The following PLCB1 variants were observed in gnomAD, a reference collection of about 807,000 sequenced individuals.
The protein encoded by PLCB1 is 1-phosphatidylinositol 4,5-bisphosphate phosphodiesterase beta-1.
Under a neutral mutation model 161.8 loss-of-function variants are expected in PLCB1, and 46 were observed. That is an observed-to-expected ratio of 0.28 (90% CI 0.22 to 0.36). The LOEUF is 0.36. Ranked by LOEUF, PLCB1 falls within the 10% of genes least tolerant of loss-of-function variation. The pLI, the probability that PLCB1 is intolerant of heterozygous loss-of-function variation, is 1.00. For missense variants in PLCB1, 1,016 were observed against 1,472.5 expected (o/e 0.69, Z 5.07); for synonymous variants, 517 against 503.7 (o/e 1.03, Z -0.35).
chr20:8,749,890 TTAA>T (rs1386434456), intron 23 of PLCB1, among the ~76,000 whole-genome samples: 2 of 152,164 alleles, frequency 1.3e-5, no homozygotes, highest in African/African-American at 4.8e-5. Context: ...GACTTTGCCA[TTAA>T]TAATAGAGCT....
chr20:8,881,662 A>G lies in PLCB1; in HGVS notation c.3464A>G (p.Lys1155Arg), dbSNP rs1268524181. 4 of 1,613,982 alleles carry G rather than the reference A, an allele frequency of 2.5e-6. No individual in the cohort carries two copies. The African/African-American group carries it at 5.3e-5, about 22-fold the overall frequency. The change falls in exon 32 of 32, where the codon AAA becomes AGA. Residue 1155 changes from lysine to arginine, a missense_variant. Transcript: ENST00000338037. Reference sequence around the variant, plus strand: ...GAGCAAGAATACCAAGACAAATTCAAAAGACTGCCCCTCGAGATTTTGGAA... The same window carrying G: ...GAGCAAGAATACCAAGACAAATTCAGAAGACTGCCCCTCGAGATTTTGGAA... ...ELEQEYQDKFKRLPLEILEFV... is the reference protein window; with the variant it reads ...ELEQEYQDKFRRLPLEILEFV...
chr20:8,746,712 C>A (rs138444371), intron 23 of PLCB1, among the ~76,000 whole-genome samples: 1 of 152,312 alleles, frequency 6.6e-6, no homozygotes, highest in Non-Finnish European at 1.5e-5. Context: ...ACCATTATTT[C>A]CATTTAACAA....
chr20:8,549,781 G>A (rs1363139971), intron 3 of PLCB1, among the ~76,000 whole-genome samples: 1 of 152,152 alleles, frequency 6.6e-6, no homozygotes, highest in Admixed American at 6.5e-5. Context: ...ATGTTGCCCA[G>A]GCTGGTGTCA....
chr20:8,729,249 G>A (rs1980102077), intron 18 of PLCB1, 75 bp downstream of exon 18: 2 of 1,328,312 alleles, frequency 1.5e-6, no homozygotes, highest in Non-Finnish European at 9.9e-7. Flanking sequence ...TACATAATTG[G>A]GGGAGAGAAA....
chr20:8,209,655 TGTGAAAC>T (rs1438466152), intron 2 of PLCB1, among the ~76,000 whole-genome samples: 1 of 152,156 alleles, frequency 6.6e-6, no homozygotes, highest in African/African-American at 2.4e-5. Context: ...TACAGAAGTA[TGTGAAAC>T]AAAAAGGAGT....
chr20:8,333,660 T>C (rs1985453996), intron 2 of PLCB1, among the ~76,000 whole-genome samples: 1 of 152,188 alleles, frequency 6.6e-6, no homozygotes. Flanking sequence ...AAAAAGCATC[T>C]GGCCCAAAAT....
At chr20:8,225,009 A>G (rs1979608609) in intron 2 of PLCB1, among the ~76,000 whole-genome samples, 1 of 152,120 alleles carries the variant, frequency 6.6e-6, no homozygotes, top group South Asian at 2.1e-4. Flanking sequence ...GTGAACCCTA[A>G]TGTGTCCATC....
Position 8,262,443 on chromosome 20 carries a change from G to A in PLCB1, c.178-108939G>A, listed in dbSNP as rs73609703. ...ACCCAAATATTAGAGGGATGCAGCAGTGGGGAATGTATAATCCATGGTGTC... is the reference window on the plus strand; with the variant it reads ...ACCCAAATATTAGAGGGATGCAGCAATGGGGAATGTATAATCCATGGTGTC... On this transcript the variant is annotated intron_variant, in intron 2 of 31. Coordinates refer to ENST00000338037, the MANE Select transcript of PLCB1 (RefSeq NM_015192.4). Among the ~76,000 whole-genome samples the A allele has an allele frequency of 2.2e-3, 331 of 152,214 alleles. 3 individuals carry two copies. Among genetic ancestry groups the A allele is most frequent in the African/African-American group, 7.4e-3 (308 of 41,546 alleles).
intron 3 of PLCB1, among the ~76,000 whole-genome samples, chr20:8,433,893 A>C (rs2122587211): frequency 6.6e-6 from 1 of 152,304 alleles, no homozygotes; most frequent in Non-Finnish European, 1.5e-5. Context: ...GCACCAAGGG[A>C]TAAGCTCTTT....
intron 3 of PLCB1, among the ~76,000 whole-genome samples, chr20:8,556,534 T>C (rs1404284898): frequency 6.6e-6 from 1 of 152,068 alleles, no homozygotes; most frequent in Non-Finnish European, 1.5e-5. Context: ...GGATAGGACC[T>C]ATGCTCAAAA....
chr20:8,455,644 G>A (rs1254991066), intron 3 of PLCB1, among the ~76,000 whole-genome samples: 1 of 151,652 alleles, frequency 6.6e-6, no homozygotes, highest in Non-Finnish European at 1.5e-5. Flanking sequence ...GTTTCACCAT[G>A]TTAAGTATTC....
At chr20:8,661,988 T>A (rs1471793258) in intron 9 of PLCB1, among the ~76,000 whole-genome samples, 3 of 84,994 alleles carry the variant, frequency 3.5e-5, no homozygotes, top group African/African-American at 1.4e-4. Flanking sequence ...TTATATATAA[T>A]TATATAATTA....
intron 3 of PLCB1, among the ~76,000 whole-genome samples, chr20:8,556,065 T>G (rs1022540456): frequency 6.6e-6 from 1 of 152,060 alleles, no homozygotes; most frequent in African/African-American, 2.4e-5. Context: ...TGACCAAAGA[T>G]TTATCCAGTA....
chr20:8,168,454 T>A (rs542657996), intron 2 of PLCB1, among the ~76,000 whole-genome samples: 17 of 152,202 alleles, frequency 1.1e-4, no homozygotes, highest in African/African-American at 4.1e-4. Context: ...TGCAGTGAGG[T>A]GGGTGTCTCT....
intron 3 of PLCB1, among the ~76,000 whole-genome samples, chr20:8,586,410 G>T (rs889043513): frequency 6.6e-6 from 1 of 151,484 alleles, no homozygotes; most frequent in Middle Eastern, 3.2e-3. Flanking sequence ...ACCGACTCTA[G>T]CCTTTGGCTT....
At position 8,484,019 on chromosome 20, in the gene PLCB1, A is replaced by G. The variant is rs778200251; in HGVS notation, c.246+112569A>G. On this transcript the variant is annotated intron_variant, in intron 3 of 31. Transcript: ENST00000338037. Reference sequence around the variant, plus strand: ...ATTCTTGGACCCGTTGCTTCCTTAGATCTTTGGTTTTGTTTTACTTTTTGA... The same window carrying G: ...ATTCTTGGACCCGTTGCTTCCTTAGGTCTTTGGTTTTGTTTTACTTTTTGA... Among the ~76,000 whole-genome samples the G allele has an allele frequency of 2.6e-5, 4 of 152,068 alleles. No homozygotes were observed. The South Asian group carries it at 8.3e-4, about 32-fold the overall frequency.
chr20:8,760,956 A>G (rs1047202879), intron 25 of PLCB1, among the ~76,000 whole-genome samples: 2 of 152,222 alleles, frequency 1.3e-5, no homozygotes, highest in African/African-American at 4.8e-5. Flanking sequence ...ATGTAGTGGA[A>G]TCTTAAAAAT....
intron 31 of PLCB1, among the ~76,000 whole-genome samples, chr20:8,795,467 T>C (rs1460289385): frequency 6.6e-6 from 1 of 152,188 alleles, no homozygotes; most frequent in African/African-American, 2.4e-5. Flanking sequence ...GAGTTCTGAA[T>C]TCTGGAGAAA....
chr20:8,471,009 G>A (rs533657560), intron 3 of PLCB1, among the ~76,000 whole-genome samples: 1 of 152,224 alleles, frequency 6.6e-6, no homozygotes, highest in African/African-American at 2.4e-5. Context: ...TTGCAAATAT[G>A]ATAACTAAGT....
Sources: allele counts gnomAD v4.1 joint callset (sites outside exome capture counted in the v4.1 genomes callset), GRCh38; gene constraint gnomAD v4.1.1; transcripts MANE v1.5; gene names NCBI Gene and HGNC (gene_info 2026-07-23, HGNC 2026-07-21).